Variants in CHRDL2 observed in about 807,000 individuals in gnomAD.
The protein encoded by CHRDL2 is chordin-like protein 2.
A neutral mutation model predicts 54.3 loss-of-function variants in CHRDL2; 41 were observed. The ratio of observed to expected loss-of-function variants is 0.76; its 90% CI spans 0.59 to 0.98. The LOEUF is 0.98. Among genes scored for constraint, CHRDL2 ranks in the 50% least tolerant of loss-of-function variants. The pLI is 0.00. For missense variants in CHRDL2, 518 were observed against 562.4 expected (o/e 0.92, Z 0.80); for synonymous variants, 220 against 224.3 (o/e 0.98, Z 0.17).
At chr11:74,725,009 T>C (rs1178101783) in intron 1 of CHRDL2, among the ~76,000 whole-genome samples, 1 of 152,100 alleles carries the variant, frequency 6.6e-6, no homozygotes, top group Non-Finnish European at 1.5e-5. Context: ...CTTTTTTTTT[T>C]TTTGAGATGG....
intron 6 of CHRDL2, among the ~76,000 whole-genome samples, 194 bp downstream of exon 6, chr11:74,706,293 C>T (rs2034007063): frequency 6.6e-6 from 1 of 152,076 alleles, no homozygotes; most frequent in South Asian, 2.1e-4. Context: ...ACTCCTTATC[C>T]ATCAACCATG....
chr11:74,717,783 G>C (rs1164037013), intron 2 of CHRDL2, among the ~76,000 whole-genome samples: 1 of 151,262 alleles, frequency 6.6e-6, no homozygotes, highest in Non-Finnish European at 1.5e-5. Context: ...CTGGGAGGCT[G>C]GCTCGGGCTG....
chr11:74,723,846 G>A (rs1806780121), intron 1 of CHRDL2, among the ~76,000 whole-genome samples: 1 of 152,142 alleles, frequency 6.6e-6, no homozygotes, highest in Admixed American at 6.5e-5. Context: ...CTTTATTTCT[G>A]GAATTTCCAA....
intron 6 of CHRDL2, among the ~76,000 whole-genome samples, chr11:74,704,899 T>G (rs762029580): frequency 1.2e-4 from 19 of 152,210 alleles, no homozygotes; most frequent in Non-Finnish European, 2.4e-4. Flanking sequence ...GAAGCCCTTC[T>G]TGGGCCTTGT....
chr11:74,701,544 G>T, intron 9 of CHRDL2: 1 of 710,892 alleles, frequency 1.4e-6, no homozygotes, highest in Non-Finnish European at 2.6e-6. Context: ...GGAAAGAGCC[G>T]CATCTGACGC....
intron 1 of CHRDL2, 92 bp from the exon 2 acceptor site, chr11:74,718,924 G>A: frequency 1.3e-6 from 1 of 791,112 alleles, no homozygotes; most frequent in Non-Finnish European, 2.1e-6. Context: ...TAAAAGAGAT[G>A]TCATCTGGGC....
chr11:74,710,770 C>G (rs944018231), intron 4 of CHRDL2, 79 bp downstream of exon 4: 25 of 1,501,834 alleles, frequency 1.7e-5, no homozygotes, highest in East Asian at 7.2e-5. Context: ...ACAATCCCCC[C>G]AGTCCGCAGT....
chr11:74,697,183 A>C (rs1483689274), intron 10 of CHRDL2, 22 bp downstream of exon 10: 1 of 1,598,826 alleles, frequency 6.3e-7, no homozygotes, highest in Non-Finnish European at 8.6e-7. Context: ...CCCCGGCCCC[A>C]TTCCTCAGCC....
At chr11:74,728,303 C>T (rs1430755588) in intron 1 of CHRDL2, among the ~76,000 whole-genome samples, 1 of 152,164 alleles carries the variant, frequency 6.6e-6, no homozygotes, top group Non-Finnish European at 1.5e-5. Flanking sequence ...TAAGATATCA[C>T]CAGATTTCTG....
intron 2 of CHRDL2, 27 bp from the exon 3 acceptor site, chr11:74,713,506 G>A (rs1429433310): frequency 1.9e-6 from 3 of 1,588,402 alleles, no homozygotes; most frequent in Non-Finnish European, 2.6e-6. Flanking sequence ...GGTCAGCCCT[G>A]GTTCAAAGAA....
At chr11:74,719,994 C>G (rs976064724) in intron 1 of CHRDL2, among the ~76,000 whole-genome samples, 1 of 152,220 alleles carries the variant, frequency 6.6e-6, no homozygotes, top group Non-Finnish European at 1.5e-5. Context: ...GGGAAAAACA[C>G]TCCATTGCCT....
At chr11:74,718,688 A>G in intron 2 of CHRDL2, 32 bp downstream of exon 2, 1 of 1,453,814 alleles carries the variant, frequency 6.9e-7, no homozygotes, top group Non-Finnish European at 9.6e-7. Context: ...GACATCCCTG[A>G]CACAGGTGGT....
In CHRDL2 at chr11:74,731,046, G is replaced by A; in HGVS notation, c.-158C>T. On this transcript the variant is annotated 5_prime_UTR_variant, in exon 1 of 11. Transcript: ENST00000376332. This position sits in a 1 kb window ranked among gnomAD's most constrained non-coding sequence, Gnocchi z 4.4. ...AAGGGCCAGGAAGCAGCGGTGGGCA[G>A]GAAAGGAGGGCAGGAAGGGAGGTCT... is the stretch of plus-strand genomic sequence containing the variant. 1 of 611,440 alleles carries A rather than the reference G, an allele frequency of 1.6e-6. No individual in the cohort carries two copies. Among genetic ancestry groups the A allele is most frequent in the Non-Finnish European group, 2.9e-6 (1 of 344,428 alleles). The allele number at this position is 611,440 out of a possible 1,614,324, so 37.9% of individuals were successfully genotyped here.
chr11:74,716,342 C>G (rs2034351239), intron 2 of CHRDL2, among the ~76,000 whole-genome samples: 1 of 151,896 alleles, frequency 6.6e-6, no homozygotes, highest in Admixed American at 6.6e-5. Context: ...GGAGATCATC[C>G]TGGCCAACAT....
chr11:74,705,066 G>A (rs1483136173), intron 6 of CHRDL2, among the ~76,000 whole-genome samples: 2 of 152,108 alleles, frequency 1.3e-5, no homozygotes, highest in East Asian at 3.9e-4. Context: ...AGATTTAGTT[G>A]GTGGCTGGAC....
In CHRDL2 at chr11:74,697,173, C is replaced by T. The variant is rs112413725; in HGVS notation, c.1213+32G>A. 3,479 of 1,566,590 alleles carry T rather than the reference C, an allele frequency of 2.2e-3. 30 individuals are homozygous for T. Among genetic ancestry groups the T allele is most frequent in the African/African-American group, 0.02 (1,454 of 74,102 alleles). On this transcript the variant is annotated intron_variant, in intron 10 of 10. Coordinates refer to ENST00000376332, the MANE Select transcript of CHRDL2 (RefSeq NM_001278473.3). ...GGCCCGTGTCCTTGCCTTCTTCCTG[C>T]CCCGGCCCCATTCCTCAGCCCAAGC...
chr11:74,706,064 C>A (rs951262819), intron 6 of CHRDL2, among the ~76,000 whole-genome samples: 2 of 151,956 alleles, frequency 1.3e-5, no homozygotes, highest in African/African-American at 4.8e-5. Context: ...GGCCAAGATA[C>A]AGGGGGGTAC....
chr11:74,697,630 C>T (rs771987003), intron 9 of CHRDL2: 62 of 473,132 alleles, frequency 1.3e-4, no homozygotes, highest in South Asian at 8.1e-4. Flanking sequence ...GACGTCCTGT[C>T]GCCTCCACAG....
At chr11:74,697,462 C>T (rs2033638693) in intron 9 of CHRDL2, 165 bp from the exon 10 acceptor site, 1 of 622,820 alleles carries the variant, frequency 1.6e-6, no homozygotes, top group Non-Finnish European at 2.9e-6. Flanking sequence ...ATTTTGAATC[C>T]ATTCTCCTAT....
Sources: gnomAD v4.1 joint callset for allele counts (sites outside exome capture counted in the v4.1 genomes callset) on GRCh38, gnomAD v4.1.1 for gene constraint, Gnocchi (gnomAD v3.1) non-coding constraint, MANE v1.5 for transcripts, NCBI Gene and HGNC (gene_info 2026-07-23, HGNC 2026-07-21) for gene names.